The following ADGRG7 variants were observed in gnomAD, a reference collection of about 807,000 sequenced individuals.
The protein encoded by ADGRG7 is G-protein coupled receptor 128.
A neutral mutation model predicts 88.6 loss-of-function variants in ADGRG7; 82 were observed. The ratio of observed to expected loss-of-function variants is 0.93; its 90% CI spans 0.77 to 1.11. The LOEUF is 1.11. ADGRG7 is among the 50% of genes most tolerant of loss of function. The pLI is 0.00. For synonymous variants in ADGRG7, 381 were observed against 345.2 expected (o/e 1.10, Z -1.15); for missense variants, 945 against 953.4 (o/e 0.99, Z 0.12).
chr3:100,624,822 G>C (rs1203421453), intron 1 of ADGRG7, among the ~76,000 whole-genome samples: 5 of 152,064 alleles, frequency 3.3e-5, no homozygotes, highest in Non-Finnish European at 7.4e-5. Flanking sequence ...TTTTTGTCCA[G>C]GTTGTTGAAG....
chr3:100,689,106 G>A (rs1173186177), intron 15 of ADGRG7, among the ~76,000 whole-genome samples: 1 of 152,180 alleles, frequency 6.6e-6, no homozygotes, highest in Non-Finnish European at 1.5e-5. Context: ...TCTTCTTGTT[G>A]AATTGATCCC....
At position 100,629,713 on chromosome 3, in the gene ADGRG7, TA is replaced by T. The variant is rs1393832225; in HGVS notation, c.229+5del. ...GGAAAGGACTGAGATGTACAATTGGTAAATTACTTGGGATAATGCTAAAGTG... is the reference window on the plus strand; with the variant it reads ...GGAAAGGACTGAGATGTACAATTGGTAATTACTTGGGATAATGCTAAAGTG... On this transcript the variant is annotated splice_donor_region_variant and intron_variant, in intron 2 of 15. Coordinates refer to ENST00000273352, the MANE Select transcript of ADGRG7 (RefSeq NM_032787.3). The T allele has an allele frequency of 7.6e-6, 12 of 1,578,822 alleles. No homozygotes were observed. The highest frequency in any genetic ancestry group is 1.0e-5 in the Non-Finnish European group (12 of 1,148,330).
intron 10 of ADGRG7, among the ~76,000 whole-genome samples, chr3:100,647,232 T>A (rs1232400128): frequency 1.3e-5 from 2 of 152,060 alleles, no homozygotes; most frequent in Non-Finnish European, 2.9e-5. Context: ...TGCTATGTGG[T>A]CTTAGGATAG....
intron 14 of ADGRG7, among the ~76,000 whole-genome samples, chr3:100,660,967 A>G (rs1559683705): frequency 6.6e-6 from 1 of 151,462 alleles, no homozygotes; most frequent in African/African-American, 2.4e-5. Flanking sequence ...AAAAAAAAAA[A>G]GAATTGAATT....
At chr3:100,648,019 C>T (rs1144121) in intron 10 of ADGRG7, among the ~76,000 whole-genome samples, 135,672 of 151,938 alleles carry the variant, frequency 0.89, 62,444 homozygotes, top group East Asian at 1. Flanking sequence ...TGGATTATTT[C>T]TTTTCTAATT....
chr3:100,626,462 T>C (rs1421731955), intron 1 of ADGRG7, among the ~76,000 whole-genome samples: 1 of 152,188 alleles, frequency 6.6e-6, no homozygotes, highest in Non-Finnish European at 1.5e-5. Flanking sequence ...ATACAAGGTA[T>C]ATATCTCCAT....
At chr3:100,647,029 C>T (rs1163718622) in intron 10 of ADGRG7, among the ~76,000 whole-genome samples, 6 of 151,944 alleles carry the variant, frequency 3.9e-5, no homozygotes, top group Non-Finnish European at 8.8e-5. Flanking sequence ...TAGTGGTGCA[C>T]GCCTGTAATC....
chr3:100,687,950 T>A (rs62274009), intron 15 of ADGRG7, among the ~76,000 whole-genome samples: 41,874 of 151,762 alleles, frequency 0.28, 6,168 homozygotes, highest in East Asian at 0.53. Context: ...TCAGAAGGAA[T>A]GGTACCAGCT....
chr3:100,689,361 C>A (rs1480807062), intron 15 of ADGRG7, among the ~76,000 whole-genome samples: 5 of 152,158 alleles, frequency 3.3e-5, no homozygotes, highest in Admixed American at 6.5e-5. Context: ...TTAATTGGAG[C>A]ATTTAGCCCA....
chr3:100,646,191 T>C (rs1707741518), intron 9 of ADGRG7, 83 bp downstream of exon 9: 2 of 436,218 alleles, frequency 4.6e-6, no homozygotes, highest in East Asian at 1.7e-4. Context: ...AGTAGAGTAA[T>C]ACAGGGGAAG....
intron 10 of ADGRG7, among the ~76,000 whole-genome samples, chr3:100,648,338 G>A (rs568563178): frequency 3.9e-5 from 1 of 25,432 alleles, no homozygotes; most frequent in East Asian, 0.17. Flanking sequence ...TCGGCTCTGA[G>A]TGAAAAATAT....
chr3:100,655,070 G>A lies in ADGRG7; in HGVS notation c.1615G>A (p.Val539Met). Residue 539 changes from valine to methionine, a missense_variant, in exon 12 of 16, where the codon GTG becomes ATG. Physicochemically the swap from Val to Met is conservative, Grantham distance 21 (BLOSUM62 1). Coordinates refer to ENST00000273352, the MANE Select transcript of ADGRG7 (RefSeq NM_032787.3). ...IAALLHYFLLVTFTWNALSAA... is the reference protein window; with the variant it reads ...IAALLHYFLLMTFTWNALSAA... Reference sequence around the variant, plus strand: ...CGCCTTACTGCACTATTTTCTGTTAGTGACATTTACCTGGAACGCACTCAG... The same window carrying A: ...CGCCTTACTGCACTATTTTCTGTTAATGACATTTACCTGGAACGCACTCAG... The A allele has an allele frequency of 1.2e-6, 2 of 1,614,124 alleles. No homozygotes were observed. The highest frequency in any genetic ancestry group is 1.7e-6 in the Non-Finnish European group (2 of 1,180,008).
intron 15 of ADGRG7, among the ~76,000 whole-genome samples, chr3:100,677,910 G>A: frequency 6.6e-6 from 1 of 152,006 alleles, no homozygotes; most frequent in East Asian, 1.9e-4. Context: ...TATTATTGGG[G>A]TCTAATCTGC....
At chr3:100,642,836 T>A (rs1211642779) in intron 6 of ADGRG7, among the ~76,000 whole-genome samples, 1 of 152,162 alleles carries the variant, frequency 6.6e-6, no homozygotes, top group Non-Finnish European at 1.5e-5. Context: ...TTACAAAACA[T>A]GCTTTGGATC....
At chr3:100,640,097 C>T (rs190953967) in intron 6 of ADGRG7, among the ~76,000 whole-genome samples, 5 of 152,322 alleles carry the variant, frequency 3.3e-5, no homozygotes, top group Non-Finnish European at 5.9e-5. Context: ...CTGCTTCTAG[C>T]CCCAAGGTCA....
chr3:100,649,815 C>G lies in ADGRG7; in HGVS notation c.1379+8C>G. On this transcript the variant is annotated splice_region_variant and intron_variant, in intron 11 of 15. Transcript: ENST00000273352. ...ATTTCAGATTGTCACCAGGTAAGAG[C>G]AGAAGCAGGCTCTTTTCAGAAGAGA... The G allele has an allele frequency of 6.9e-7, 1 of 1,450,736 alleles. No homozygotes were observed. The allele number at this position is 1,450,736 out of a possible 1,614,324, so 89.9% of individuals were successfully genotyped here.
intron 14 of ADGRG7, among the ~76,000 whole-genome samples, chr3:100,668,053 T>C (rs760490688): frequency 3.9e-5 from 6 of 152,166 alleles, no homozygotes; most frequent in African/African-American, 9.7e-5. Flanking sequence ...CCCCAACCCC[T>C]TGTGCTTCCC....
intron 14 of ADGRG7, among the ~76,000 whole-genome samples, chr3:100,664,829 A>G (rs1372229495): frequency 6.6e-6 from 1 of 152,210 alleles, no homozygotes; most frequent in African/African-American, 2.4e-5. Context: ...GAGAAAAGTA[A>G]TCCACCGAAT....
At position 100,694,859 on chromosome 3, in the gene ADGRG7, C is replaced by CGG; in HGVS notation, c.2253_2254insGG (p.Arg752GlyfsTer7). The stretch of plus-strand genomic sequence containing the variant: ...AGAAGGAAGTCATTGCCTTCAGTGA[C>CGG]GCGGCCGAGGCTGCGTGTAAAGATG... On this transcript the variant is annotated frameshift_variant, in exon 16 of 16. Transcript: ENST00000273352. LOFTEE classifies it high-confidence loss of function. 6.2e-7 allele frequency: 1 copy of CGG among 1,614,154 alleles called. No individual in the cohort carries two copies. The highest frequency in any genetic ancestry group is 8.5e-7 in the Non-Finnish European group (1 of 1,180,018).
Sources: gnomAD v4.1 joint callset for allele counts (sites outside exome capture counted in the v4.1 genomes callset) on GRCh38, gnomAD v4.1.1 for gene constraint, MANE v1.5 for transcripts, NCBI Gene and HGNC (gene_info 2026-07-23, HGNC 2026-07-21) for gene names.